The following PDE6B variants were observed in gnomAD, a reference collection of about 807,000 sequenced individuals.
PDE6B encodes rod cGMP-specific 3',5'-cyclic phosphodiesterase subunit beta.
A neutral mutation model predicts 109.0 loss-of-function variants in PDE6B; 106 were observed. The ratio of observed to expected loss-of-function variants is 0.97; its 90% confidence interval spans 0.83 to 1.14. The LOEUF is 1.14. PDE6B is among the 50% of genes most tolerant of loss of function. The probability of loss-of-function intolerance (pLI) is 0.00; values close to 1 mark genes in which losing one functional copy is unlikely to be tolerated. For missense variants in PDE6B, 1,193 were observed against 1,155.6 expected (o/e 1.03, Z -0.47); for synonymous variants, 490 against 471.3 (o/e 1.04, Z -0.51).
At chr4:669,566 C>T (rs1476128778) in intron 21 of PDE6B, among the ~76,000 whole-genome samples, 1 of 69,726 alleles carries the variant, frequency 1.4e-5, no homozygotes, top group South Asian at 5.6e-4. Flanking sequence ...ATGCTATTCC[C>T]ACTACCCCAT....
rs181236974 is a variant in PDE6B at position 657,008 on chromosome 4, C to T, written c.1242C>T (p.Asp414=). 6.5e-5 allele frequency: 105 copies of T among 1,613,206 alleles called. No homozygotes were observed. Among genetic ancestry groups the T allele is most frequent in the Admixed American group, 6.7e-5 (4 of 60,030 alleles). Residue 414 remains aspartate, a synonymous_variant, in exon 9 of 22, where the codon GAC becomes GAT. Transcript: ENST00000496514. ...RKDGKPFDEQ[D]EVLMESLTQF... is the part of the protein sequence containing the mutation. ...ACGGGAAGCCCTTTGACGAACAGGACGAGGTTCTCATGGAGGTAAGCACCT... is the reference window on the plus strand; with the variant it reads ...ACGGGAAGCCCTTTGACGAACAGGATGAGGTTCTCATGGAGGTAAGCACCT...
chr4:662,382 G>A lies in PDE6B; in HGVS notation c.1723-127G>A, dbSNP rs948846828. ...GCAACGCCCTCTGACACCGTGCACC[G>A]CGCACCCCAGCCCTGCGGTGGTCGG... On this transcript the variant is annotated intron_variant, in intron 13 of 21. Coordinates refer to ENST00000496514, the MANE Select transcript of PDE6B (RefSeq NM_000283.4). This position sits in a 1 kb window ranked among gnomAD's most constrained non-coding sequence, Gnocchi z 4.3. The A allele has an allele frequency of 3.2e-5, 26 of 821,622 alleles. No individual in the cohort carries two copies. Among genetic ancestry groups the A allele is most frequent in the Admixed American group, 5.9e-5 (3 of 50,630 alleles). The allele number at this position is 821,622 out of a possible 1,614,324, so 50.9% of individuals were successfully genotyped here.
intron 2 of PDE6B, 152 bp downstream of exon 2, chr4:634,981 G>T: frequency 1.6e-6 from 1 of 621,246 alleles, no homozygotes; most frequent in Non-Finnish European, 2.9e-6. Context: ...CTGCCTGCCC[G>T]CGTGTTCTGT....
intron 3 of PDE6B, among the ~76,000 whole-genome samples, chr4:649,487 C>T (rs1432099090): frequency 1.3e-5 from 2 of 152,152 alleles, no homozygotes; most frequent in Non-Finnish European, 2.9e-5. Flanking sequence ...CTCCAAGGGA[C>T]GCTGGGGCCA....
In PDE6B at chr4:626,644, G is replaced by A. The variant is rs1442443132; in HGVS notation, c.468+550G>A. Among the ~76,000 whole-genome samples the A allele has an allele frequency of 6.6e-6, 1 of 152,252 alleles. No homozygotes were observed. Among genetic ancestry groups the A allele is most frequent in the Non-Finnish European group, 1.5e-5 (1 of 68,046 alleles). ...GGAGCCCACGCCAGCCGCCAGGGGA[G>A]AACAAACCTGGTAGCCACTGAGCAC... On this transcript the variant is annotated intron_variant, in intron 1 of 21. Coordinates refer to ENST00000496514, the MANE Select transcript of PDE6B (RefSeq NM_000283.4). This position sits in a 1 kb window ranked among gnomAD's most constrained non-coding sequence, Gnocchi z 4.6.
chr4:658,201 G>A (rs1436646288), intron 10 of PDE6B, among the ~76,000 whole-genome samples: 12 of 138,342 alleles, frequency 8.7e-5, no homozygotes, highest in East Asian at 2.3e-4. Context: ...CAGGGGTCAC[G>A]GCTGTGTGGC....
rs1734079726 is a variant in PDE6B, at chr4:625,993, C to T, written c.367C>T (p.Leu123=). The change falls in exon 1 of 22, where the codon CTG becomes TTG. Residue 123 remains leucine, a synonymous_variant. Coordinates refer to ENST00000496514, the MANE Select transcript of PDE6B (RefSeq NM_000283.4). The surrounding 1 kb of genome is among the most constrained non-coding windows in gnomAD (Gnocchi z 5.0). ...VQPDSVLEDC[L]VPPDSEIVFP... ...GCCGGACAGCGTCCTGGAGGACTGCCTGGTGCCCCCCGACTCCGAGATCGT... is the reference window on the plus strand; with the variant it reads ...GCCGGACAGCGTCCTGGAGGACTGCTTGGTGCCCCCCGACTCCGAGATCGT... 1 of 1,583,220 alleles carries T rather than the reference C, an allele frequency of 6.3e-7. No homozygotes were observed. The highest frequency in any genetic ancestry group is 8.6e-7 in the Non-Finnish European group (1 of 1,165,088).
intron 10 of PDE6B, among the ~76,000 whole-genome samples, chr4:658,016 TG>T (rs1736545089): frequency 2.5e-5 from 2 of 78,484 alleles, no homozygotes; most frequent in African/African-American, 5.1e-5. Flanking sequence ...GGCTGTGCGG[TG>T]GGGGCAGGTC....
Position 626,628 on chromosome 4 carries a change from G to A in PDE6B, c.468+534G>A, listed in dbSNP as rs757532723. The stretch of plus-strand genomic sequence containing the variant: ...GCAGCTTTATCCCATGGGAGCCCAC[G>A]CCAGCCGCCAGGGGAGAACAAACCT... On this transcript the variant is annotated intron_variant, in intron 1 of 21. Transcript: ENST00000496514. This position sits in a 1 kb window ranked among gnomAD's most constrained non-coding sequence, Gnocchi z 4.6. Among the ~76,000 whole-genome samples, 192 of 152,218 alleles carry A rather than the reference G, an allele frequency of 1.3e-3. 4 individuals are homozygous for A. Among genetic ancestry groups the A allele is most frequent in the Non-Finnish European group, 5.7e-4 (39 of 68,038 alleles).
rs551545798 is a variant in PDE6B, at chr4:635,892, T to C, written c.634T>C (p.Tyr212His). Residue 212 changes from tyrosine to histidine, a missense_variant, in exon 3 of 22, where the codon TAC (tyrosine) becomes CAC (histidine). Tyr to His is a moderately conservative substitution (Grantham distance 83, BLOSUM62 2). Coordinates refer to ENST00000496514, the MANE Select transcript of PDE6B (RefSeq NM_000283.4). ...TSEDEDVFLKYLNFATLYLKI... is the reference protein window; with the variant it reads ...TSEDEDVFLKHLNFATLYLKI... ...ATTCCTGTTTCAGGTGTTCTTGAAG[T>C]ACCTGAATTTTGCCACGTTGTACCT... 2.6e-6 allele frequency: 4 copies of C among 1,560,434 alleles called. No homozygotes were observed. The Admixed American group carries it at 6.7e-5, about 26-fold the overall frequency.
At chr4:630,783 G>A (rs73056576) in intron 1 of PDE6B, among the ~76,000 whole-genome samples, 2,922 of 152,310 alleles carry the variant, frequency 0.019, 124 homozygotes, top group African/African-American at 0.066. Context: ...TGTTCCTCTC[G>A]GTCCTAAGGG....
intron 3 of PDE6B, among the ~76,000 whole-genome samples, chr4:650,565 C>T (rs1220990963): frequency 1.3e-5 from 2 of 152,184 alleles, no homozygotes; most frequent in African/African-American, 4.8e-5. Flanking sequence ...GTCAGGGCAC[C>T]GAGGGGACAG....
intron 3 of PDE6B, chr4:651,605 G>C (rs1421868403): frequency 6.6e-6 from 1 of 152,064 alleles, no homozygotes; most frequent in Non-Finnish European, 1.5e-5. Flanking sequence ...CGAGTCTCCT[G>C]AGCCGCAGGC....
intron 5 of PDE6B, chr4:654,363 G>A: frequency 1.5e-6 from 1 of 678,468 alleles, no homozygotes; most frequent in South Asian, 1.5e-5. Context: ...CCTGAATGAG[G>A]GCCGCCAGGC....
In PDE6B at chr4:668,142, C is replaced by T. The variant is rs28568555; in HGVS notation, c.2503+136C>T. The T allele has an allele frequency of 0.15, 129,859 of 850,436 alleles. 12,052 individuals are homozygous for T. Among genetic ancestry groups the T allele is most frequent in the African/African-American group, 0.34 (19,990 of 58,876 alleles). 52.7% of individuals were successfully genotyped at this position (850,436 alleles called of 1,614,324 possible). On this transcript the variant is annotated intron_variant, in intron 21 of 21. Transcript: ENST00000496514. ...AGAAGCCTCGAGGTGGACAGGGCCA[C>T]AGTGCAGGGAGAGAGGCCACGGCGG...
chr4:662,126 T>TC lies in PDE6B; in HGVS notation c.1615-3dup. ...CGCCGGAGCCCTGTGTCCTCTCGGC[T>TC]CCCCCAGGTCCTGGTGCGGTTCCTG... On this transcript the variant is annotated splice_region_variant and splice_polypyrimidine_tract_variant and intron_variant, in intron 12 of 21. Transcript: ENST00000496514. The surrounding 1 kb of genome is among the most constrained non-coding windows in gnomAD (Gnocchi z 4.3). 1 of 1,466,324 alleles carries TC rather than the reference T, an allele frequency of 6.8e-7. No homozygotes were observed. The highest frequency in any genetic ancestry group is 9.4e-7 in the Non-Finnish European group (1 of 1,067,226). The allele number at this position is 1,466,324 out of a possible 1,614,324, so 90.8% of individuals were successfully genotyped here. A position where few individuals can be genotyped will look rare whatever the true frequency, so the allele number is the denominator to read the frequency against.
At chr4:652,879 AC>A (rs1414015654) in intron 3 of PDE6B, 2 of 146,534 alleles carry the variant, frequency 1.4e-5, no homozygotes, top group Non-Finnish European at 3.0e-5. Context: ...TGTTCTCACC[AC>A]AAAAAAAACA....
Position 655,940 on chromosome 4 carries a change from C to G in PDE6B, c.993C>G (p.Pro331=), listed in dbSNP as rs1285673427. The change falls in exon 7 of 22, where the codon CCC becomes CCG. Residue 331 remains proline, a splice_region_variant and synonymous_variant. Transcript: ENST00000496514. ...TCTGACCCCTGCTCTCTGCCCACAG[C>G]ACACCCTCAGCCGATCACTGGGCCC... ...LHGKEEIKVI[P]TPSADHWALA... 6.2e-7 allele frequency: 1 copy of G among 1,605,230 alleles called. No homozygotes were observed. Among genetic ancestry groups the G allele is most frequent in the Non-Finnish European group, 8.5e-7 (1 of 1,172,224 alleles).
At chr4:654,256 G>A in intron 5 of PDE6B, 102 bp downstream of exon 5, 1 of 1,074,724 alleles carries the variant, frequency 9.3e-7, no homozygotes, top group Non-Finnish European at 1.4e-6. Flanking sequence ...GGTTTAGGGA[G>A]GTGGGAACTG....
Sources: gnomAD v4.1 joint callset for allele counts (sites outside exome capture counted in the v4.1 genomes callset) on GRCh38, gnomAD v4.1.1 for gene constraint, Gnocchi (gnomAD v3.1) non-coding constraint, MANE v1.5 for transcripts, NCBI Gene and HGNC (gene_info 2026-07-23, HGNC 2026-07-21) for gene names.